Variants in SLC8A3 observed in about 807,000 individuals in gnomAD.
The protein encoded by SLC8A3 is solute carrier family 8 member A3, also known as sodium/calcium exchanger 3.
Under a neutral mutation model 65.4 loss-of-function variants are expected in SLC8A3, and 37 were observed. That is an observed-to-expected ratio of 0.57 (90% CI 0.44 to 0.74). The LOEUF (loss-of-function observed/expected upper bound fraction) is 0.74, where lower values mean the gene tolerates loss of function less well. SLC8A3 is among the 30% of genes least tolerant of loss of function. The pLI is 0.00. For missense variants in SLC8A3, 1,112 were observed against 1,172.1 expected (o/e 0.95, Z 0.75); for synonymous variants, 461 against 444.5 (o/e 1.04, Z -0.47).
chr14:70,110,740 G>A (rs1215550060), intron 2 of SLC8A3, among the ~76,000 whole-genome samples: 1 of 139,854 alleles, frequency 7.2e-6, no homozygotes, highest in Non-Finnish European at 1.5e-5. Flanking sequence ...GACTGCAGTG[G>A]TGCTATCTCG....
At chr14:70,053,643 A>C (rs1172302229) in intron 3 of SLC8A3, among the ~76,000 whole-genome samples, 2 of 152,208 alleles carry the variant, frequency 1.3e-5, no homozygotes, top group Admixed American at 1.3e-4. Context: ...TTGTCTACCT[A>C]TCAATCTAGC....
At chr14:70,063,771 C>T (rs1290152712) in intron 2 of SLC8A3, 1 of 1,002,532 alleles carries the variant, frequency 1.0e-6, no homozygotes, top group East Asian at 2.5e-5. Context: ...GAGGAAGAAA[C>T]AGAAGAGGAG....
chr14:70,049,494 TA>T (rs564474692), intron 5 of SLC8A3, among the ~76,000 whole-genome samples: 3 of 151,972 alleles, frequency 2.0e-5, no homozygotes, highest in African/African-American at 7.2e-5. Flanking sequence ...GGGTGAGGGA[TA>T]GGGGAGGGAT....
At chr14:70,156,179 T>A (rs1896560751) in intron 2 of SLC8A3, among the ~76,000 whole-genome samples, 1 of 152,210 alleles carries the variant, frequency 6.6e-6, no homozygotes, top group Non-Finnish European at 1.5e-5. Context: ...GATTCTAGTC[T>A]GATAAAGAAA....
intron 2 of SLC8A3, among the ~76,000 whole-genome samples, chr14:70,119,492 T>A (rs1026899302): frequency 3.9e-5 from 6 of 152,232 alleles, no homozygotes; most frequent in African/African-American, 1.4e-4. Flanking sequence ...GCAGGTGACA[T>A]CAGATTTTAT....
chr14:70,112,531 GA>G (rs1484211043), intron 2 of SLC8A3, among the ~76,000 whole-genome samples: 10 of 152,256 alleles, frequency 6.6e-5, no homozygotes, highest in Non-Finnish European at 1.0e-4. Flanking sequence ...CTGGATGCGG[GA>G]ATGAAGAAAA....
At chr14:70,113,388 T>C (rs1165669967) in intron 2 of SLC8A3, among the ~76,000 whole-genome samples, 1 of 152,160 alleles carries the variant, frequency 6.6e-6, no homozygotes, top group Admixed American at 6.5e-5. Context: ...AGCAAAAATA[T>C]GGTATTATAA....
chr14:70,050,510 G>A (rs190612851), intron 5 of SLC8A3, among the ~76,000 whole-genome samples: 1 of 152,286 alleles, frequency 6.6e-6, no homozygotes, highest in Admixed American at 6.5e-5. Context: ...GAGGGAGCCT[G>A]TCAGTAAATG....
intron 1 of SLC8A3, among the ~76,000 whole-genome samples, chr14:70,187,648 C>CGT (rs1280304426): frequency 1.5e-5 from 2 of 136,058 alleles, no homozygotes; most frequent in East Asian, 2.0e-4. Flanking sequence ...TGTCCGCGCG[C>CGT]GCGTGTGTGT....
intron 2 of SLC8A3, among the ~76,000 whole-genome samples, chr14:70,084,052 A>G (rs1308956817): frequency 6.6e-6 from 1 of 152,218 alleles, no homozygotes; most frequent in African/African-American, 2.4e-5. Context: ...TTAAGCCTCT[A>G]TATTCTCATC....
chr14:70,178,687 C>T (rs115503483), intron 1 of SLC8A3, among the ~76,000 whole-genome samples: 1,703 of 152,204 alleles, frequency 0.011, 25 homozygotes, highest in African/African-American at 0.038. Flanking sequence ...TACTATGTGC[C>T]CATCACAGTT....
At chr14:70,175,566 C>T (rs1270309656) in intron 1 of SLC8A3, among the ~76,000 whole-genome samples, 1 of 152,064 alleles carries the variant, frequency 6.6e-6, no homozygotes, top group Non-Finnish European at 1.5e-5. Context: ...AATGCATCTT[C>T]CTCTAATTGT....
chr14:70,144,305 C>G (rs1288555478), intron 2 of SLC8A3, among the ~76,000 whole-genome samples: 1 of 103,396 alleles, frequency 9.7e-6, no homozygotes, highest in East Asian at 2.6e-4. Context: ...ACGAAAACTT[C>G]CTGTTTTTTT....
rs750979985 is a variant in SLC8A3 at position 70,060,827 on chromosome 14, A to G, written c.1888+9T>C. The G allele has an allele frequency of 1.9e-5, 25 of 1,311,756 alleles. No homozygotes were observed. The highest frequency in any genetic ancestry group is 7.6e-5 in the South Asian group (6 of 78,950). The allele number at this position is 1,311,756 out of a possible 1,614,324, so 81.3% of individuals were successfully genotyped here. A position where few individuals can be genotyped will look rare whatever the true frequency, so the allele number is the denominator to read the frequency against. ...TTTTTTGTTGTTTTGTTTTTAAAGA[A>G]TCTCACACCTGATATTCCACGTTCC... On this transcript the variant is annotated intron_variant, in intron 3 of 6. Coordinates refer to ENST00000356921, the MANE Select transcript of SLC8A3 (RefSeq NM_182932.3).
At chr14:70,152,010 A>G (rs1483925503) in intron 2 of SLC8A3, among the ~76,000 whole-genome samples, 1 of 152,168 alleles carries the variant, frequency 6.6e-6, no homozygotes, top group Non-Finnish European at 1.5e-5. Context: ...GTAGACATAC[A>G]TTTGGGAGGA....
At chr14:70,152,937 T>C (rs947327923) in intron 2 of SLC8A3, among the ~76,000 whole-genome samples, 3 of 152,184 alleles carry the variant, frequency 2.0e-5, no homozygotes, top group Admixed American at 6.5e-5. Flanking sequence ...GGGTGTCTCC[T>C]GAGCATCAAA....
chr14:70,126,933 CT>C (rs1894496930), intron 2 of SLC8A3, among the ~76,000 whole-genome samples: 1 of 152,028 alleles, frequency 6.6e-6, no homozygotes. Context: ...AAAAACACTT[CT>C]GGTATCAAGC....
At chr14:70,144,650 C>A (rs1458232988) in intron 2 of SLC8A3, among the ~76,000 whole-genome samples, 1 of 150,942 alleles carries the variant, frequency 6.6e-6, no homozygotes, top group Non-Finnish European at 1.5e-5. Flanking sequence ...AAGAAAAAAG[C>A]AATTAAATCT....
intron 2 of SLC8A3, among the ~76,000 whole-genome samples, chr14:70,073,689 C>A (rs771158988): frequency 6.6e-6 from 1 of 152,192 alleles, no homozygotes; most frequent in African/African-American, 2.4e-5. Context: ...TGTCTTCTCT[C>A]ACTGCTGGGA....
Sources: allele counts gnomAD v4.1 joint callset (sites outside exome capture counted in the v4.1 genomes callset), GRCh38; gene constraint gnomAD v4.1.1; transcripts MANE v1.5; gene names NCBI Gene and HGNC (gene_info 2026-07-23, HGNC 2026-07-21).